PLXNA4: variants seen among roughly 807,000 people sequenced by gnomAD.
PLXNA4 encodes the protein plexin A4.
Under a neutral mutation model 191.8 loss-of-function variants are expected in PLXNA4, and 44 were observed. The observed-to-expected ratio is 0.23, with a 90% CI of 0.18 to 0.29. The LOEUF (loss-of-function observed/expected upper bound fraction) is 0.29, where lower values mean the gene tolerates loss of function less well. Among genes scored for constraint, PLXNA4 ranks in the 10% least tolerant of loss-of-function variants. PLXNA4 has a pLI of 1.00. For synonymous variants in PLXNA4, 1,082 were observed against 1,009.5 expected, an observed-to-expected ratio of 1.07 and a Z score of -1.36; for missense variants, 1,800 against 2,488.8, an observed-to-expected ratio of 0.72 and a Z score of 5.89.
chr7:132,194,394 G>C lies in PLXNA4; in HGVS notation c.2739-215C>G, dbSNP rs115469092. On this transcript the variant is annotated intron_variant, in intron 13 of 31. Transcript: ENST00000321063. ...CTGACCTATGGGATCTCCTTTGAGG[G>C]AGCCTAGAAGAGGGTCCCTGTGTTC... Among the ~76,000 whole-genome samples, 928 of 152,340 alleles carry C rather than the reference G, an allele frequency of 6.1e-3. 12 individuals carry two copies. The highest frequency in any genetic ancestry group is 0.021 in the African/African-American group (876 of 41,584).
At chr7:132,326,804 C>T (rs997868473) in intron 3 of PLXNA4, among the ~76,000 whole-genome samples, 4 of 152,060 alleles carry the variant, frequency 2.6e-5, no homozygotes, top group Middle Eastern at 3.2e-3. Flanking sequence ...AAACTAGAAA[C>T]TCCCTAAAGG....
chr7:132,212,283 T>C (rs988492928), intron 9 of PLXNA4, among the ~76,000 whole-genome samples: 2 of 152,136 alleles, frequency 1.3e-5, no homozygotes, highest in Non-Finnish European at 2.9e-5. Flanking sequence ...ACACTTGTCC[T>C]CAGCAGAGTA....
intron 1 of PLXNA4, among the ~76,000 whole-genome samples, chr7:132,563,338 TCTC>T (rs1563175944): frequency 4.5e-5 from 1 of 22,126 alleles, no homozygotes; most frequent in Non-Finnish European, 8.5e-5. Context: ...TCCTCCTCCT[TCTC>T]CTCCTCTTTC....
chr7:132,230,219 G>A (rs1485374585), intron 5 of PLXNA4, among the ~76,000 whole-genome samples: 1 of 152,152 alleles, frequency 6.6e-6, no homozygotes, highest in Non-Finnish European at 1.5e-5. Flanking sequence ...GGATGTGTTG[G>A]GACAAAGACG....
intron 1 of PLXNA4, among the ~76,000 whole-genome samples, chr7:132,515,157 C>A (rs1798887725): frequency 6.6e-6 from 1 of 152,146 alleles, no homozygotes; most frequent in Non-Finnish European, 1.5e-5. Flanking sequence ...CCAGATGTAA[C>A]CTTGGAGAGG....
chr7:132,240,433 A>G (rs1188215921), intron 5 of PLXNA4, among the ~76,000 whole-genome samples: 1 of 152,236 alleles, frequency 6.6e-6, no homozygotes, highest in Non-Finnish European at 1.5e-5. Context: ...AAGGAGGCAC[A>G]TTGGCAAGAG....
chr7:132,339,544 C>A (rs1802945015), intron 3 of PLXNA4, among the ~76,000 whole-genome samples: 1 of 152,178 alleles, frequency 6.6e-6, no homozygotes, highest in African/African-American at 2.4e-5. Context: ...GTGTACCTAC[C>A]ATATGCAAGG....
At chr7:132,279,036 A>C (rs1184133754) in intron 4 of PLXNA4, among the ~76,000 whole-genome samples, 2 of 152,206 alleles carry the variant, frequency 1.3e-5, no homozygotes, top group Non-Finnish European at 2.9e-5. Context: ...ACTGAATAGT[A>C]AGCTCCCAGA....
chr7:132,250,732 C>T (rs1056632209), intron 4 of PLXNA4, among the ~76,000 whole-genome samples: 20 of 152,210 alleles, frequency 1.3e-4, no homozygotes, highest in African/African-American at 4.8e-4. Flanking sequence ...GGCATTCACA[C>T]AGTTAACAAG....
rs1460505135 is a variant in PLXNA4 at position 132,510,132 on chromosome 7, G to A, written c.-86-1353C>T. ...GCTTTATGTTTCTTCCAGTTCGAGA[G>A]AATTCAGGGCAGGAATTGCCAACAT... On this transcript the variant is annotated intron_variant, in intron 1 of 31. Transcript: ENST00000321063. Among the ~76,000 whole-genome samples the A allele has an allele frequency of 2.6e-5, 4 of 152,176 alleles. No homozygotes were observed. The East Asian group carries it at 7.7e-4, about 29-fold the overall frequency.
intron 3 of PLXNA4, among the ~76,000 whole-genome samples, chr7:132,391,510 T>C (rs1456592194): frequency 6.6e-6 from 1 of 152,164 alleles, no homozygotes; most frequent in African/African-American, 2.4e-5. Context: ...TTACAACCCT[T>C]TAGCCTGAGG....
chr7:132,305,043 C>G (rs1307813627), intron 3 of PLXNA4, among the ~76,000 whole-genome samples: 1 of 152,168 alleles, frequency 6.6e-6, no homozygotes, highest in Non-Finnish European at 1.5e-5. Flanking sequence ...ACCCCTGGTA[C>G]CCCTGCTCGT....
intron 24 of PLXNA4, among the ~76,000 whole-genome samples, chr7:132,161,153 G>T (rs1366312428): frequency 6.6e-6 from 1 of 152,192 alleles, no homozygotes; most frequent in Non-Finnish European, 1.5e-5. Context: ...CTGGGCCCTG[G>T]TGGGGCAGCT....
At chr7:132,496,502 A>T (rs1022317188) in intron 2 of PLXNA4, among the ~76,000 whole-genome samples, 7 of 152,166 alleles carry the variant, frequency 4.6e-5, no homozygotes, top group African/African-American at 1.7e-4. Flanking sequence ...GCCAGGTTCA[A>T]GCAATTCTCC....
intron 2 of PLXNA4, among the ~76,000 whole-genome samples, chr7:132,637,490 G>A (rs1803631832): frequency 6.6e-6 from 1 of 152,194 alleles, no homozygotes; most frequent in South Asian, 2.1e-4. Context: ...CTCAGTCACT[G>A]GAAGTGCTCT....
At chr7:132,233,898 T>C (rs909372920) in intron 5 of PLXNA4, among the ~76,000 whole-genome samples, 2 of 145,816 alleles carry the variant, frequency 1.4e-5, no homozygotes, top group Non-Finnish European at 3.0e-5. Flanking sequence ...CCTGTAAATG[T>C]TCGTTTTTTT....
At chr7:132,366,833 C>T (rs1804207256) in intron 3 of PLXNA4, among the ~76,000 whole-genome samples, 1 of 152,186 alleles carries the variant, frequency 6.6e-6, no homozygotes, top group Non-Finnish European at 1.5e-5. Context: ...GCAATCATAG[C>T]TCATTGCAGC....
chr7:132,513,483 CAGGCCTCACTCAGTTATTCACAAT>C (rs1439123885), intron 1 of PLXNA4, among the ~76,000 whole-genome samples: 1 of 152,192 alleles, frequency 6.6e-6, no homozygotes, highest in Non-Finnish European at 1.5e-5. Flanking sequence ...CTGAGCTCTT[CAGGCCTCACTCAGTTATTCACAAT>C]ATATTCCCTG....
intron 1 of PLXNA4, among the ~76,000 whole-genome samples, chr7:132,647,365 A>T (rs188966699): frequency 6.6e-6 from 1 of 151,966 alleles, no homozygotes; most frequent in East Asian, 1.9e-4. Context: ...ACTGACATAC[A>T]CACACACATG....
Sources: allele counts gnomAD v4.1 joint callset (sites outside exome capture counted in the v4.1 genomes callset), GRCh38; gene constraint gnomAD v4.1.1; transcripts MANE v1.5; gene names NCBI Gene and HGNC (gene_info 2026-07-23, HGNC 2026-07-21).